RBMS3: variants seen among roughly 807,000 people sequenced by gnomAD.
The protein encoded by RBMS3 is RNA binding motif single stranded interacting protein 3, also known as RNA-binding motif, single-stranded-interacting protein 3.
A neutral mutation model predicts 66.8 loss-of-function variants in RBMS3; 27 were observed. The ratio of observed to expected loss-of-function variants is 0.40; its 90% CI spans 0.30 to 0.56. The LOEUF (loss-of-function observed/expected upper bound fraction) is 0.56, where lower values mean the gene tolerates loss of function less well. Among genes scored for constraint, RBMS3 ranks in the 20% least tolerant of loss-of-function variants. RBMS3 has a pLI of 0.40. For missense variants in RBMS3, 513 were observed against 549.5 expected, an observed-to-expected ratio of 0.93 and a Z score of 0.66; for synonymous variants, 188 against 183.0, an observed-to-expected ratio of 1.03 and a Z score of -0.22.
At chr3:29,860,950 G>A (rs1042102357) in intron 6 of RBMS3, among the ~76,000 whole-genome samples, 7 of 152,032 alleles carry the variant, frequency 4.6e-5, no homozygotes, top group African/African-American at 9.7e-5. Flanking sequence ...AGTGAGCTCC[G>A]CCTCCCCGGT....
intron 1 of RBMS3, among the ~76,000 whole-genome samples, chr3:29,395,943 G>C (rs1171111932): frequency 6.6e-6 from 1 of 152,174 alleles, no homozygotes; most frequent in African/African-American, 2.4e-5. Flanking sequence ...CAAATCTAGG[G>C]AAGAGAGTTT....
At chr3:29,490,381 G>A (rs2043496957) in intron 3 of RBMS3, among the ~76,000 whole-genome samples, 2 of 152,130 alleles carry the variant, frequency 1.3e-5, no homozygotes, top group African/African-American at 4.8e-5. Flanking sequence ...GGTTCACCAT[G>A]AAAGTTTTTA....
intron 1 of RBMS3, among the ~76,000 whole-genome samples, chr3:29,309,938 C>A (rs1468589295): frequency 6.6e-6 from 1 of 151,410 alleles, no homozygotes; most frequent in Admixed American, 6.6e-5. Flanking sequence ...AGAAAAGGGG[C>A]AGCTACTAAT....
intron 2 of RBMS3, 54 bp downstream of exon 2, chr3:29,434,969 G>C (rs1359410613): frequency 3.2e-6 from 5 of 1,540,606 alleles, no homozygotes; most frequent in Admixed American, 1.8e-5. Flanking sequence ...TTGCCTTGGT[G>C]GGCAGGATGT....
At chr3:29,997,925 C>T (rs1342469233) in intron 14 of RBMS3, among the ~76,000 whole-genome samples, 10 of 152,168 alleles carry the variant, frequency 6.6e-5, no homozygotes, top group Non-Finnish European at 5.9e-5. Context: ...CCAGGGCAAT[C>T]AGCCAGGAGA....
At chr3:29,844,707 A>G (rs2058738854) in intron 6 of RBMS3, among the ~76,000 whole-genome samples, 1 of 152,246 alleles carries the variant, frequency 6.6e-6, no homozygotes. Context: ...TGATTTGAGT[A>G]AGTTATTTCA....
At chr3:29,637,354 C>T (rs1475785489) in intron 4 of RBMS3, among the ~76,000 whole-genome samples, 1 of 151,774 alleles carries the variant, frequency 6.6e-6, no homozygotes, top group South Asian at 2.1e-4. Context: ...CCCACCACCA[C>T]CTCCGAAAGA....
At chr3:29,614,438 G>A (rs997008977) in intron 4 of RBMS3, 2 of 152,052 alleles carry the variant, frequency 1.3e-5, no homozygotes, top group African/African-American at 4.8e-5. Flanking sequence ...TTATATACTT[G>A]AAAATTGCTG....
intron 3 of RBMS3, among the ~76,000 whole-genome samples, chr3:29,507,041 C>T (rs2044208585): frequency 6.8e-6 from 1 of 147,982 alleles, no homozygotes; most frequent in Non-Finnish European, 1.5e-5. Context: ...GTTTTGTTGA[C>T]CTTTTCTATT....
intron 3 of RBMS3, among the ~76,000 whole-genome samples, chr3:29,558,813 G>A (rs781172030): frequency 1.2e-4 from 18 of 152,172 alleles, no homozygotes; most frequent in African/African-American, 2.9e-4. Context: ...AGTAACTTGC[G>A]TTTCTAAGTT....
At chr3:29,621,933 A>G (rs1024516086) in intron 4 of RBMS3, among the ~76,000 whole-genome samples, 2 of 152,196 alleles carry the variant, frequency 1.3e-5, no homozygotes, top group Non-Finnish European at 2.9e-5. Context: ...AGGAGAATCT[A>G]CATATACTTG....
At chr3:29,914,057 A>G (rs914498391) in intron 10 of RBMS3, among the ~76,000 whole-genome samples, 5 of 151,982 alleles carry the variant, frequency 3.3e-5, no homozygotes, top group Non-Finnish European at 7.4e-5. Flanking sequence ...TCCATTATAG[A>G]TATTATTTAA....
At chr3:29,765,349 A>G (rs1488143860) in intron 6 of RBMS3, among the ~76,000 whole-genome samples, 1 of 151,966 alleles carries the variant, frequency 6.6e-6, no homozygotes, top group Non-Finnish European at 1.5e-5. Context: ...TATTTAAGAC[A>G]GGGAGTAGGA....
intron 2 of RBMS3, among the ~76,000 whole-genome samples, chr3:29,452,435 A>G (rs780428825): frequency 6.6e-6 from 1 of 152,222 alleles, no homozygotes; most frequent in Non-Finnish European, 1.5e-5. Flanking sequence ...TCTAGAATCA[A>G]CAAATTTCTG....
intron 6 of RBMS3, among the ~76,000 whole-genome samples, chr3:29,810,474 C>T (rs865805499): frequency 1.5e-4 from 23 of 152,214 alleles, no homozygotes; most frequent in Middle Eastern, 3.4e-3. Flanking sequence ...TATAAACACA[C>T]GTACACATAT....
chr3:29,761,800 G>A (rs1260413300), intron 5 of RBMS3, among the ~76,000 whole-genome samples: 1 of 152,104 alleles, frequency 6.6e-6, no homozygotes, highest in Non-Finnish European at 1.5e-5. Flanking sequence ...ATTAATAACA[G>A]CAGAAAATCC....
intron 1 of RBMS3, among the ~76,000 whole-genome samples, chr3:29,380,581 A>C (rs1471813395): frequency 2.0e-5 from 3 of 152,194 alleles, no homozygotes; most frequent in Non-Finnish European, 4.4e-5. Context: ...ACCATTTCAT[A>C]GATAACGAAA....
chr3:29,290,245 T>C (rs1290399318), intron 1 of RBMS3, among the ~76,000 whole-genome samples: 1 of 151,862 alleles, frequency 6.6e-6, no homozygotes, highest in African/African-American at 2.4e-5. Flanking sequence ...AAATATATTT[T>C]TTAACTAGTT....
intron 6 of RBMS3, among the ~76,000 whole-genome samples, chr3:29,825,750 T>A (rs544771898): frequency 6.6e-6 from 1 of 152,258 alleles, no homozygotes; most frequent in East Asian, 1.9e-4. Flanking sequence ...AATACACTGG[T>A]TAAGAAATTG....
Sources: gnomAD v4.1 joint callset for allele counts (sites outside exome capture counted in the v4.1 genomes callset) on GRCh38, gnomAD v4.1.1 for gene constraint, MANE v1.5 for transcripts, NCBI Gene and HGNC (gene_info 2026-07-23, HGNC 2026-07-21) for gene names.